Variants in SLC26A3 observed in about 807,000 individuals in gnomAD.
SLC26A3 encodes solute carrier family 26 member 3.
In SLC26A3, 64 loss-of-function variants were observed where a neutral mutation model predicts 85.6. The ratio of observed to expected loss-of-function variants is 0.75; its 90% CI spans 0.61 to 0.92. The LOEUF (loss-of-function observed/expected upper bound fraction) is 0.92, where lower values mean the gene tolerates loss of function less well. Among genes scored for constraint, SLC26A3 ranks in the 40% least tolerant of loss-of-function variants. The pLI, the probability that SLC26A3 is intolerant of heterozygous loss-of-function variation, is 0.00. For synonymous variants in SLC26A3, 349 were observed against 336.0 expected (o/e 1.04, Z -0.42); for missense variants, 922 against 927.3 (o/e 0.99, Z 0.07).
At chr7:107,781,198 C>G (rs1405897969) in intron 11 of SLC26A3, among the ~76,000 whole-genome samples, 1 of 152,158 alleles carries the variant, frequency 6.6e-6, no homozygotes, top group African/African-American at 2.4e-5. Context: ...AATCTGGTAT[C>G]CATACTGCAT....
chr7:107,801,853 G>A (rs1562884471), intron 1 of SLC26A3, among the ~76,000 whole-genome samples: 1 of 151,112 alleles, frequency 6.6e-6, no homozygotes, highest in Non-Finnish European at 1.5e-5. Context: ...ACTGAGGTGG[G>A]AGGATCACCT....
chr7:107,766,395 G>A (rs1793915575), intron 20 of SLC26A3, among the ~76,000 whole-genome samples: 1 of 152,154 alleles, frequency 6.6e-6, no homozygotes, highest in South Asian at 2.1e-4. Flanking sequence ...TACAATTACT[G>A]AGGAGAGGGT....
intron 17 of SLC26A3, among the ~76,000 whole-genome samples, chr7:107,772,775 T>A (rs1794047302): frequency 6.6e-6 from 1 of 152,126 alleles, no homozygotes; most frequent in East Asian, 1.9e-4. Flanking sequence ...TGTGTGTGTG[T>A]GAGTGAAAAT....
At chr7:107,769,991 TCC>T (rs1491205665) in intron 18 of SLC26A3, among the ~76,000 whole-genome samples, 16 of 145,040 alleles carry the variant, frequency 1.1e-4, no homozygotes, top group African/African-American at 1.6e-4. Flanking sequence ...CTTCCTTCCT[TCC>T]TTTTTTCTCT....
In SLC26A3 at chr7:107,776,560, G is replaced by A. The variant is rs767163572; in HGVS notation, c.1585-16C>T. 1 of 1,610,986 alleles carries A rather than the reference G, an allele frequency of 6.2e-7. No homozygotes were observed. Among genetic ancestry groups the A allele is most frequent in the South Asian group, 1.1e-5 (1 of 91,034 alleles). On this transcript the variant is annotated splice_polypyrimidine_tract_variant and intron_variant, in intron 14 of 20. Coordinates refer to ENST00000340010, the MANE Select transcript of SLC26A3 (RefSeq NM_000111.3). The stretch of plus-strand genomic sequence containing the variant: ...GCTCATACATCTGTAAGGCAGAGAA[G>A]CATTGTTAGGTGTTGCCCATTAGAT...
intron 11 of SLC26A3, 21 bp downstream of exon 11, chr7:107,782,776 G>A (rs1234083513): frequency 1.9e-6 from 3 of 1,606,828 alleles, no homozygotes; most frequent in African/African-American, 2.7e-5. Flanking sequence ...AAGTAGAGAT[G>A]CTATCCAAAG....
chr7:107,767,524 A>G (rs989718644), intron 20 of SLC26A3, 55 bp downstream of exon 20: 25 of 1,344,772 alleles, frequency 1.9e-5, no homozygotes, highest in Non-Finnish European at 2.5e-5. Flanking sequence ...ACTACTTTGA[A>G]GGTTTTTTTT....
At position 107,767,532 on chromosome 7, in the gene SLC26A3, T is replaced by C. The variant is rs754586560; in HGVS notation, c.2271+47A>G. Reference sequence around the variant, plus strand: ...TGGCCTCACTACTTTGAAGGTTTTTTTTTGCTGTGATGTCTAGGTGAAGAT... The same window carrying C: ...TGGCCTCACTACTTTGAAGGTTTTTCTTTGCTGTGATGTCTAGGTGAAGAT... On this transcript the variant is annotated intron_variant, in intron 20 of 20. Coordinates refer to ENST00000340010, the MANE Select transcript of SLC26A3 (RefSeq NM_000111.3). The C allele has an allele frequency of 9.0e-6, 13 of 1,438,344 alleles. No homozygotes were observed. The South Asian group carries it at 1.5e-4, about 17-fold the overall frequency. 89.1% of individuals were successfully genotyped at this position (1,438,344 alleles called of 1,614,324 possible). A position where few individuals can be genotyped will look rare whatever the true frequency, so the allele number is the denominator to read the frequency against.
Position 107,794,497 on chromosome 7 carries a change from AGG to A in SLC26A3, c.11_12del (p.Pro4LeufsTer18). ...CTGGCCACAATATACTGATTCCCAA[AGG>A]GTTCAATCATTTTGATTTTTCTGTT... MIE[P>X]FGNQYIVARP... On this transcript the variant is annotated frameshift_variant, in exon 2 of 21. Coordinates refer to ENST00000340010, the MANE Select transcript of SLC26A3 (RefSeq NM_000111.3). LOFTEE classifies it high-confidence loss of function. The A allele has an allele frequency of 6.2e-7, 1 of 1,614,042 alleles. No homozygotes were observed. The highest frequency in any genetic ancestry group is 1.1e-5 in the South Asian group (1 of 91,072).
chr7:107,770,987 G>A (rs1489170927), intron 18 of SLC26A3, among the ~76,000 whole-genome samples: 1 of 152,162 alleles, frequency 6.6e-6, no homozygotes, highest in Admixed American at 6.5e-5. Context: ...AAAATGGGAT[G>A]GGAGAGCATT....
At position 107,783,082 on chromosome 7, in the gene SLC26A3, G is replaced by A. The variant is rs776654131; in HGVS notation, c.1131C>T (p.Ala377=). 5.6e-6 allele frequency: 9 copies of A among 1,613,982 alleles called. 1 individual carries two copies. Among genetic ancestry groups the A allele is most frequent in the African/African-American group, 5.3e-5 (4 of 74,930 alleles). Residue 377 remains alanine, a synonymous_variant, in exon 10 of 21, where the codon GCC becomes GCT. Coordinates refer to ENST00000340010, the MANE Select transcript of SLC26A3 (RefSeq NM_000111.3). ...CACAGACTATGTTACCCAGTCCCAA[G>A]GCTATTAACTCCTGACAGGAAGACA... The part of the protein sequence containing the change: ...YPLDGNQELI[A]LGLGNIVCGV...
chr7:107,799,588 C>T (rs184924131), intron 1 of SLC26A3, among the ~76,000 whole-genome samples: 6 of 152,198 alleles, frequency 3.9e-5, no homozygotes, highest in Non-Finnish European at 7.4e-5. Flanking sequence ...GATGGAGTTT[C>T]GCCATGTTGG....
chr7:107,770,176 T>TGAGACAGGG (rs1794000221), intron 18 of SLC26A3, among the ~76,000 whole-genome samples: 9 of 12,566 alleles, frequency 7.2e-4, no homozygotes, highest in African/African-American at 3.4e-3. Context: ...TTTTTTTTTT[T>TGAGACAGGG]TTTTTAAAAA....
chr7:107,767,296 T>C (rs1206034500), intron 20 of SLC26A3, among the ~76,000 whole-genome samples: 1 of 152,150 alleles, frequency 6.6e-6, no homozygotes, highest in Non-Finnish European at 1.5e-5. Flanking sequence ...AATAAGAGCA[T>C]TGTTGTAAGT....
At chr7:107,792,196 C>G (rs1390164576) in intron 3 of SLC26A3, among the ~76,000 whole-genome samples, 16 of 152,118 alleles carry the variant, frequency 1.1e-4, no homozygotes, top group Non-Finnish European at 2.9e-5. Flanking sequence ...AGTCCCCAAC[C>G]TTTTTGGCAC....
At position 107,793,693 on chromosome 7, in the gene SLC26A3, C is replaced by A. The variant is rs1196802066; in HGVS notation, c.271+49G>T. On this transcript the variant is annotated intron_variant, in intron 3 of 20. Transcript: ENST00000340010. ...GAAAAGTCCCTGAGCTGTACACATT[C>A]AGAGGAAGAATTTTATTGTATATAA... 4.3e-6 allele frequency: 6 copies of A among 1,410,304 alleles called. No individual in the cohort carries two copies. In the Admixed American group the frequency reaches 5.8e-5, roughly 14 times the overall value. 87.4% of individuals were successfully genotyped at this position (1,410,304 alleles called of 1,614,324 possible).
rs370200456 is a variant in SLC26A3, at chr7:107,793,149, T to C, written c.271+593A>G. Reference sequence around the variant, plus strand: ...ATACACTGCTAGTGGAAATGTAAAATGGTGTAGCTACTTTAGAAAATAAGT... The same window carrying C: ...ATACACTGCTAGTGGAAATGTAAAACGGTGTAGCTACTTTAGAAAATAAGT... On this transcript the variant is annotated intron_variant, in intron 3 of 20. Transcript: ENST00000340010. Among the ~76,000 whole-genome samples the C allele has an allele frequency of 5.2e-4, 79 of 152,280 alleles. 2 individuals are homozygous for C. The South Asian group carries it at 0.016, about 31-fold the overall frequency.
At chr7:107,776,062 CT>C in intron 15 of SLC26A3, 1 of 307,964 alleles carries the variant, frequency 3.2e-6, no homozygotes, top group Admixed American at 4.6e-5. Context: ...TCATTTACAA[CT>C]GTTATACTGA....
At chr7:107,796,243 C>T (rs1794498032) in intron 1 of SLC26A3, among the ~76,000 whole-genome samples, 1 of 151,956 alleles carries the variant, frequency 6.6e-6, no homozygotes, top group Admixed American at 6.6e-5. Context: ...GCTGGGACTA[C>T]AGGTGTGGCC....
Sources: allele counts gnomAD v4.1 joint callset (sites outside exome capture counted in the v4.1 genomes callset), GRCh38; gene constraint gnomAD v4.1.1; transcripts MANE v1.5; gene names NCBI Gene and HGNC (gene_info 2026-07-23, HGNC 2026-07-21).